Variants in LRMDA observed in about 807,000 individuals in gnomAD.
LRMDA encodes the protein leucine rich melanocyte differentiation associated, also known as leucine-rich melanocyte differentiation-associated protein.
In LRMDA, 18 loss-of-function variants were observed where a neutral mutation model predicts 29.8. The ratio of observed to expected loss-of-function variants is 0.60; its 90% CI spans 0.42 to 0.90. The LOEUF (loss-of-function observed/expected upper bound fraction) is 0.90. LRMDA is among the 40% of genes least tolerant of loss of function. The pLI, the probability that LRMDA is intolerant of heterozygous loss-of-function variation, is 0.00. For synonymous variants in LRMDA, 125 were observed against 109.4 expected (o/e 1.14, Z -0.89); for missense variants, 273 against 273.9 (o/e 1.00, Z 0.02).
chr10:76,128,438 C>G (rs1849924583), intron 5 of LRMDA, among the ~76,000 whole-genome samples: 1 of 152,134 alleles, frequency 6.6e-6, no homozygotes, highest in South Asian at 2.1e-4. Flanking sequence ...GAATGTGGCC[C>G]CTGACGTCAG....
chr10:76,029,423 G>A (rs1042470737), intron 2 of LRMDA, among the ~76,000 whole-genome samples: 1 of 151,910 alleles, frequency 6.6e-6, no homozygotes, highest in African/African-American at 2.4e-5. Context: ...TTTACAATTG[G>A]GTCACAATTT....
At chr10:76,450,130 A>G (rs2132298971) in intron 6 of LRMDA, among the ~76,000 whole-genome samples, 1 of 152,150 alleles carries the variant, frequency 6.6e-6, no homozygotes, top group Admixed American at 6.5e-5. Context: ...TCAGGAAGAG[A>G]ATAAAAATGA....
chr10:76,476,669 G>A (rs1213793171), intron 6 of LRMDA, among the ~76,000 whole-genome samples: 2 of 152,056 alleles, frequency 1.3e-5, no homozygotes, highest in Non-Finnish European at 2.9e-5. Flanking sequence ...CTAGCAAACT[G>A]AATCCAGCAG....
intron 6 of LRMDA, among the ~76,000 whole-genome samples, chr10:76,424,814 G>A (rs560320027): frequency 2.6e-5 from 4 of 152,236 alleles, no homozygotes; most frequent in African/African-American, 7.2e-5. Context: ...GTCTTTTCAC[G>A]GCACCTTACT....
chr10:75,647,768 C>T lies in LRMDA; in HGVS notation c.131+209274C>T, dbSNP rs572524904. ...CCGAAAATCAAAGATATAGCTGGCC[C>T]TCTTGGTGACTGGGAATTGGACTTG... On this transcript the variant is annotated intron_variant, in intron 2 of 6. Transcript: ENST00000611255. Among the ~76,000 whole-genome samples the T allele has an allele frequency of 4.6e-5, 7 of 152,240 alleles. No homozygotes were observed. In the South Asian group the frequency reaches 1.2e-3, roughly 27 times the overall value.
At chr10:75,859,029 T>C (rs1038397916) in intron 2 of LRMDA, among the ~76,000 whole-genome samples, 1 of 152,270 alleles carries the variant, frequency 6.6e-6, no homozygotes, top group African/African-American at 2.4e-5. Context: ...TATCTTTTCA[T>C]GTCAATACAT....
intron 5 of LRMDA, among the ~76,000 whole-genome samples, chr10:76,107,476 G>A (rs964417035): frequency 5.3e-5 from 8 of 152,194 alleles, no homozygotes; most frequent in African/African-American, 1.7e-4. Flanking sequence ...GGCCTTTTGA[G>A]GTTGGGCCAG....
chr10:75,457,730 AT>A (rs1844537031), intron 2 of LRMDA, among the ~76,000 whole-genome samples: 1 of 152,182 alleles, frequency 6.6e-6, no homozygotes, highest in African/African-American at 2.4e-5. Flanking sequence ...GCTGCCGTTT[AT>A]CTGGACGGCA....
At chr10:76,524,499 T>C (rs1280630002) in intron 6 of LRMDA, among the ~76,000 whole-genome samples, 1 of 152,226 alleles carries the variant, frequency 6.6e-6, no homozygotes, top group Non-Finnish European at 1.5e-5. Context: ...TCCTTTTCAG[T>C]GCAGGCTTTT....
At chr10:75,622,259 G>T (rs942287380) in intron 2 of LRMDA, among the ~76,000 whole-genome samples, 7 of 152,096 alleles carry the variant, frequency 4.6e-5, no homozygotes, top group Non-Finnish European at 8.8e-5. Flanking sequence ...CATAGACAAA[G>T]ATGGGGGAAA....
intron 5 of LRMDA, among the ~76,000 whole-genome samples, chr10:76,120,325 A>G (rs1849762269): frequency 6.6e-6 from 1 of 151,582 alleles, no homozygotes; most frequent in South Asian, 2.1e-4. Context: ...AGTAGCTGGG[A>G]CTACAGGTTT....
chr10:76,221,431 ATACAAAACCAATG>A (rs1425867482), intron 5 of LRMDA, among the ~76,000 whole-genome samples: 37 of 152,374 alleles, frequency 2.4e-4, no homozygotes, highest in African/African-American at 8.9e-4. Context: ...AAGTCTCAGG[ATACAAAACCAATG>A]TACAAAAATC....
chr10:76,036,273 G>A lies in LRMDA; in HGVS notation c.258+139G>A, dbSNP rs1044080559. ...AATTAAAGTATGTGAAATACAGTTCGTGGGCAGACAAAGCATTCTGTCTTC... is the reference window on the plus strand; with the variant it reads ...AATTAAAGTATGTGAAATACAGTTCATGGGCAGACAAAGCATTCTGTCTTC... On this transcript the variant is annotated intron_variant, in intron 3 of 6. Coordinates refer to ENST00000611255, the MANE Select transcript of LRMDA (RefSeq NM_001305581.2). 6.3e-5 allele frequency: 56 copies of A among 882,400 alleles called. 1 individual carries two copies. In the South Asian group the frequency reaches 9.0e-4, roughly 14 times the overall value. 54.7% of individuals were successfully genotyped at this position (882,400 alleles called of 1,614,324 possible). A position where few individuals can be genotyped will look rare whatever the true frequency, so the allele number is the denominator to read the frequency against.
At chr10:75,526,441 G>T (rs186244246) in intron 2 of LRMDA, among the ~76,000 whole-genome samples, 1 of 151,996 alleles carries the variant, frequency 6.6e-6, no homozygotes. Flanking sequence ...TGAAACCCAC[G>T]AATCTTTTGT....
At chr10:75,461,408 A>G (rs974865168) in intron 2 of LRMDA, among the ~76,000 whole-genome samples, 4 of 152,290 alleles carry the variant, frequency 2.6e-5, no homozygotes, top group Admixed American at 1.3e-4. Context: ...GGAAAAAATC[A>G]GAGAATGATC....
At chr10:76,285,843 T>A (rs1483079319) in intron 5 of LRMDA, among the ~76,000 whole-genome samples, 3 of 152,226 alleles carry the variant, frequency 2.0e-5, no homozygotes, top group African/African-American at 7.2e-5. Context: ...AATTTTATGT[T>A]TTAAGTGTGA....
At chr10:75,752,644 A>T (rs1842982542) in intron 2 of LRMDA, among the ~76,000 whole-genome samples, 1 of 152,200 alleles carries the variant, frequency 6.6e-6, no homozygotes, top group South Asian at 2.1e-4. Flanking sequence ...TTGTTCCTAA[A>T]TGAGACCCAG....
chr10:75,949,242 C>T (rs989903855), intron 2 of LRMDA, among the ~76,000 whole-genome samples: 3 of 152,110 alleles, frequency 2.0e-5, no homozygotes, highest in Non-Finnish European at 2.9e-5. Flanking sequence ...AAAGGTTTGT[C>T]GTTAGTAGGG....
chr10:75,568,441 C>T (rs559918926), intron 2 of LRMDA, among the ~76,000 whole-genome samples: 9 of 152,192 alleles, frequency 5.9e-5, no homozygotes, highest in African/African-American at 1.2e-4. Context: ...AGGCTGTGTT[C>T]GTAAAATTAA....
Sources: allele counts gnomAD v4.1 joint callset (sites outside exome capture counted in the v4.1 genomes callset), GRCh38; gene constraint gnomAD v4.1.1; transcripts MANE v1.5; gene names NCBI Gene and HGNC (gene_info 2026-07-23, HGNC 2026-07-21).